Variants in TTC13 observed in about 807,000 individuals in gnomAD.
TTC13 encodes the protein tetratricopeptide repeat domain 13.
In TTC13, 62 loss-of-function variants were observed where a neutral mutation model predicts 120.0. The ratio of observed to expected loss-of-function variants is 0.52; its 90% CI spans 0.42 to 0.64. The LOEUF is 0.64. Ranked by LOEUF, TTC13 falls within the 30% of genes least tolerant of loss-of-function variation. TTC13 has a pLI of 0.00. For missense variants in TTC13, 824 were observed against 1,050.2 expected (o/e 0.78, Z 2.98); for synonymous variants, 384 against 393.5 (o/e 0.98, Z 0.28).
chr1:230,919,662 T>C (rs1228435278), intron 17 of TTC13, among the ~76,000 whole-genome samples: 3 of 152,222 alleles, frequency 2.0e-5, no homozygotes, highest in African/African-American at 4.8e-5. Context: ...GTTTTATTCT[T>C]TGTTAGGGCA....
At chr1:230,960,366 C>G (rs1323739635) in intron 2 of TTC13, among the ~76,000 whole-genome samples, 1 of 152,138 alleles carries the variant, frequency 6.6e-6, no homozygotes, top group East Asian at 1.9e-4. Flanking sequence ...ATGGGATTAT[C>G]CAACTTCTAC....
chr1:230,950,693 T>C (rs1331136800), intron 4 of TTC13, among the ~76,000 whole-genome samples: 2 of 152,234 alleles, frequency 1.3e-5, no homozygotes, highest in African/African-American at 4.8e-5. Flanking sequence ...CAATTTTGTA[T>C]GCTAATGTAA....
chr1:230,975,341 TA>T (rs1488074724), intron 1 of TTC13, among the ~76,000 whole-genome samples: 1 of 152,056 alleles, frequency 6.6e-6, no homozygotes, highest in Non-Finnish European at 1.5e-5. Flanking sequence ...ACCAATGAAC[TA>T]CCTCCTGGGC....
chr1:230,975,132 T>C (rs1326347913), intron 1 of TTC13, among the ~76,000 whole-genome samples: 2 of 151,644 alleles, frequency 1.3e-5, no homozygotes, highest in Non-Finnish European at 2.9e-5. Context: ...CCCAACACTT[T>C]GGGAGGCTGA....
At chr1:230,922,686 C>T (rs2102795722) in intron 15 of TTC13, among the ~76,000 whole-genome samples, 1 of 152,306 alleles carries the variant, frequency 6.6e-6, no homozygotes, top group East Asian at 1.9e-4. Flanking sequence ...CTCTGTTTTC[C>T]ATTTTTCCAA....
chr1:230,924,624 G>A (rs561998361), intron 14 of TTC13, among the ~76,000 whole-genome samples: 9 of 152,316 alleles, frequency 5.9e-5, no homozygotes, highest in African/African-American at 1.9e-4. Context: ...GAGCCACTGC[G>A]CCCAGCCAAT....
chr1:230,973,640 G>A (rs866279697), intron 1 of TTC13, among the ~76,000 whole-genome samples: 14 of 152,302 alleles, frequency 9.2e-5, no homozygotes, highest in South Asian at 4.1e-4. Flanking sequence ...TTTTCAAGGC[G>A]AGAGGAGAAA....
chr1:230,928,039 A>G (rs1673188108), intron 12 of TTC13, among the ~76,000 whole-genome samples: 1 of 152,062 alleles, frequency 6.6e-6, no homozygotes, highest in African/African-American at 2.4e-5. Context: ...GTTCATTATT[A>G]TATTAAGTTT....
intron 4 of TTC13, 41 bp downstream of exon 4, chr1:230,954,292 G>A (rs1675853551): frequency 3.5e-6 from 5 of 1,440,302 alleles, no homozygotes; most frequent in Admixed American, 3.5e-5. Flanking sequence ...TTTTTGTCAT[G>A]ACCATAAACT....
Position 230,978,823 on chromosome 1 carries a change from G to A in TTC13, c.8C>T (p.Pro3Leu). The A allele has an allele frequency of 6.8e-7, 1 of 1,480,072 alleles. No homozygotes were observed. Among genetic ancestry groups the A allele is most frequent in the Non-Finnish European group, 8.9e-7 (1 of 1,125,904 alleles). The allele number at this position is 1,480,072 out of a possible 1,614,324, so 91.7% of individuals were successfully genotyped here. ...GCAGCAGCAGCAGCAGCAGCCGGCA[G>A]GTGCCATCTTCCCTCAAGGCGCATG... is the stretch of plus-strand genomic sequence containing the variant. Reference protein sequence around the residue: MAPAGCCCCCCFW... With the variant: MALAGCCCCCCFW... The change falls in exon 1 of 23, where the codon CCT (proline) becomes CTT (leucine). Residue 3 changes from proline to leucine, a missense_variant. By Grantham distance (98) the Pro-to-Leu change is moderately conservative. This residue lies in a region of TTC13 where 160 missense variants were observed against 137.2 expected (regional missense o/e 1.17). Transcript: ENST00000366661. This position sits in a 1 kb window ranked among gnomAD's most constrained non-coding sequence, Gnocchi z 5.6.
intron 11 of TTC13, among the ~76,000 whole-genome samples, 188 bp downstream of exon 11, chr1:230,931,110 A>G (rs1673509368): frequency 6.6e-6 from 1 of 152,250 alleles, no homozygotes; most frequent in Non-Finnish European, 1.5e-5. Context: ...TAGAAAATGC[A>G]TTTGACTGAT....
intron 4 of TTC13, among the ~76,000 whole-genome samples, chr1:230,949,836 A>G (rs1380698690): frequency 3.3e-5 from 5 of 152,044 alleles, no homozygotes; most frequent in Non-Finnish European, 7.4e-5. Flanking sequence ...TTTTTAGTAG[A>G]GACGGGGTTT....
intron 4 of TTC13, among the ~76,000 whole-genome samples, chr1:230,953,220 C>CA (rs1180387078): frequency 6.6e-6 from 1 of 152,078 alleles, no homozygotes; most frequent in African/African-American, 2.4e-5. Context: ...CCAAATATAC[C>CA]ACTCCTTGGA....
rs765457057 is a variant in TTC13, at chr1:230,925,636, T to C, written c.1469A>G (p.His490Arg). 66 of 1,613,896 alleles carry C rather than the reference T, an allele frequency of 4.1e-5. No individual in the cohort carries two copies. The highest frequency in any genetic ancestry group is 5.6e-5 in the Non-Finnish European group (66 of 1,179,930). The change falls in exon 13 of 23, where the codon CAT (histidine) becomes CGT (arginine). Residue 490 changes from histidine (H) to arginine (R), a missense_variant. By Grantham distance (29) the His-to-Arg change is conservative (BLOSUM62 0). Coordinates refer to ENST00000366661, the MANE Select transcript of TTC13 (RefSeq NM_024525.5). ...AGGCTTATAACTCTCAAAATTCTGA[T>C]GTAACACATCTCTGGAAGAAACATC... The part of the protein sequence containing the change: ...GLQPHIKDVL[H>R]QNFESYKPEV...
intron 4 of TTC13, among the ~76,000 whole-genome samples, chr1:230,951,677 G>T (rs1310546687): frequency 6.6e-6 from 1 of 151,986 alleles, no homozygotes; most frequent in Non-Finnish European, 1.5e-5. Context: ...ATATGAAAAA[G>T]TATTATTGAG....
intron 1 of TTC13, among the ~76,000 whole-genome samples, chr1:230,972,130 G>C (rs1383255472): frequency 6.6e-6 from 1 of 152,266 alleles, no homozygotes; most frequent in Non-Finnish European, 1.5e-5. Flanking sequence ...TGATTCCTAA[G>C]TGAGAGTCTA....
At chr1:230,907,434 A>G (rs1490357107) in intron 22 of TTC13, among the ~76,000 whole-genome samples, 1 of 152,258 alleles carries the variant, frequency 6.6e-6, no homozygotes, top group Admixed American at 6.5e-5. Flanking sequence ...GCTCTGAATG[A>G]GATAAGGTAT....
intron 17 of TTC13, among the ~76,000 whole-genome samples, chr1:230,916,953 A>C (rs1672092834): frequency 6.6e-6 from 1 of 152,218 alleles, no homozygotes; most frequent in African/African-American, 2.4e-5. Flanking sequence ...AGGTTTCAGA[A>C]AATGACCCCC....
intron 3 of TTC13, among the ~76,000 whole-genome samples, chr1:230,957,501 G>T (rs1460027499): frequency 6.6e-6 from 1 of 152,218 alleles, no homozygotes; most frequent in Non-Finnish European, 1.5e-5. Context: ...ACCATGGTAA[G>T]GATAAAATAA....
Sources: allele counts gnomAD v4.1 joint callset (sites outside exome capture counted in the v4.1 genomes callset), GRCh38; gene constraint gnomAD v4.1.1; regional missense constraint gnomAD v4.1.1; non-coding constraint Gnocchi (gnomAD v3.1); transcripts MANE v1.5; gene names NCBI Gene and HGNC (gene_info 2026-07-23, HGNC 2026-07-21).